The following RYR3 variants were observed in gnomAD, a reference collection of about 807,000 sequenced individuals.
RYR3 encodes brain ryanodine receptor-calcium release channel.
Under a neutral mutation model 584.3 loss-of-function variants are expected in RYR3, and 207 were observed. The ratio of observed to expected loss-of-function variants is 0.35; its 90% CI spans 0.32 to 0.40. The LOEUF (loss-of-function observed/expected upper bound fraction) is 0.40. Ranked by LOEUF, RYR3 falls within the 10% of genes least tolerant of loss-of-function variation. The probability of loss-of-function intolerance (pLI) is 1.00; values close to 1 mark genes in which losing one functional copy is unlikely to be tolerated. For missense variants in RYR3, 5,616 were observed against 6,089.2 expected, an observed-to-expected ratio of 0.92 and a Z score of 2.59; for synonymous variants, 2,416 against 2,248.5, an observed-to-expected ratio of 1.07 and a Z score of -2.11.
intron 1 of RYR3, among the ~76,000 whole-genome samples, chr15:33,323,084 CTA>C (rs1204060378): frequency 1.3e-5 from 2 of 151,624 alleles, no homozygotes; most frequent in East Asian, 3.9e-4. Flanking sequence ...CTCTTCCGTG[CTA>C]TAATATATGA....
rs751502794 is a variant in RYR3, at chr15:33,566,674, G to T, written c.1147-4G>T. ...AGAGCTCCCGTCCCTTGCCCTGTGG[G>T]TAGGTCATACTCCATCAGGAAGGCC... On this transcript the variant is annotated splice_region_variant and splice_polypyrimidine_tract_variant and intron_variant, in intron 11 of 103. Coordinates refer to ENST00000634891, the MANE Select transcript of RYR3 (RefSeq NM_001036.6). The T allele has an allele frequency of 2.5e-6, 4 of 1,613,506 alleles. No homozygotes were observed. The African/African-American group carries it at 5.3e-5, about 22-fold the overall frequency.
rs772238728 is a variant in RYR3 at position 33,635,782 on chromosome 15, G to A, written c.3344G>A (p.Gly1115Glu). The change falls in exon 26 of 104, where the codon GGG (glycine) becomes GAG (glutamate). Residue 1115 changes from glycine (G) to glutamate (E), a missense_variant. This residue lies in a region of RYR3 where 152 missense variants were observed against 200.9 expected (regional missense o/e 0.76). Transcript: ENST00000634891. ...GGCTGTCGACCTGATGTCGAGCTGG[G>A]GGCCGATGACCAAGCCTTTGTGTTT... Reference protein sequence around the residue: ...RPGCRPDVELGADDQAFVFEG... With the variant: ...RPGCRPDVELEADDQAFVFEG... 1 of 1,613,540 alleles carries A rather than the reference G, an allele frequency of 6.2e-7. No individual in the cohort carries two copies. Among genetic ancestry groups the A allele is most frequent in the Admixed American group, 1.7e-5 (1 of 60,002 alleles).
intron 20 of RYR3, among the ~76,000 whole-genome samples, chr15:33,625,716 G>A (rs987926043): frequency 5.3e-5 from 8 of 152,132 alleles, no homozygotes; most frequent in Non-Finnish European, 8.8e-5. Flanking sequence ...GGGAAAATAA[G>A]TGTCTTTGGT....
chr15:33,716,874 C>A (rs200902593), intron 43 of RYR3, among the ~76,000 whole-genome samples: 2 of 150,788 alleles, frequency 1.3e-5, no homozygotes, highest in African/African-American at 4.9e-5. Flanking sequence ...CTGAATGAAA[C>A]AAAAAAAAAA....
chr15:33,450,087 TAAAAAAAAAAA>T (rs10647466), intron 1 of RYR3, among the ~76,000 whole-genome samples: 1 of 67,340 alleles, frequency 1.5e-5, no homozygotes. Flanking sequence ...CATTAATACC[TAAAAAAAAAAA>T]AAAAAAAAAA....
intron 2 of RYR3, among the ~76,000 whole-genome samples, chr15:33,499,267 C>T (rs1352622937): frequency 6.6e-6 from 1 of 151,078 alleles, no homozygotes; most frequent in Non-Finnish European, 1.5e-5. Context: ...ATTTCCCTCC[C>T]TGTCTTCCAT....
chr15:33,446,350 A>G (rs2046661766), intron 1 of RYR3, among the ~76,000 whole-genome samples: 1 of 152,262 alleles, frequency 6.6e-6, no homozygotes, highest in Non-Finnish European at 1.5e-5. Context: ...AAAGTTGGGT[A>G]TGAAAATAAG....
chr15:33,610,512 G>A (rs948796705), intron 18 of RYR3, among the ~76,000 whole-genome samples: 1 of 152,136 alleles, frequency 6.6e-6, no homozygotes, highest in African/African-American at 2.4e-5. Flanking sequence ...TACTGCCTGT[G>A]GAAGAGTGGG....
intron 3 of RYR3, among the ~76,000 whole-genome samples, chr15:33,510,322 G>A (rs117874722): frequency 6.6e-6 from 1 of 152,140 alleles, no homozygotes; most frequent in Non-Finnish European, 1.5e-5. Context: ...CCTTTCTCAG[G>A]TCTGTAATGG....
intron 102 of RYR3, among the ~76,000 whole-genome samples, chr15:33,862,947 T>C (rs1888959240): frequency 6.6e-6 from 1 of 152,232 alleles, no homozygotes; most frequent in African/African-American, 2.4e-5. Context: ...AAGATAACTT[T>C]ACTGTGCCCT....
chr15:33,612,277 G>A (rs979352360), intron 18 of RYR3, among the ~76,000 whole-genome samples: 1 of 152,188 alleles, frequency 6.6e-6, no homozygotes, highest in Non-Finnish European at 1.5e-5. Flanking sequence ...TCAATTCAGA[G>A]TATAACTGGC....
At chr15:33,825,898 A>T in intron 82 of RYR3, 1 of 508,570 alleles carries the variant, frequency 2.0e-6, no homozygotes, top group Non-Finnish European at 3.5e-6. Flanking sequence ...ACAGCCAGCT[A>T]ATTTTTTGTA....
At chr15:33,506,225 G>C (rs1008023544) in intron 3 of RYR3, among the ~76,000 whole-genome samples, 1 of 152,154 alleles carries the variant, frequency 6.6e-6, no homozygotes, top group African/African-American at 2.4e-5. Context: ...CTTCATTTTA[G>C]AATATATGAA....
intron 1 of RYR3, among the ~76,000 whole-genome samples, chr15:33,460,937 C>T (rs1052075107): frequency 4.1e-5 from 3 of 73,846 alleles, no homozygotes. Context: ...ACATAATATC[C>T]ACCTTTTTTT....
chr15:33,468,823 A>G (rs1385819649), intron 1 of RYR3, among the ~76,000 whole-genome samples: 1 of 152,208 alleles, frequency 6.6e-6, no homozygotes, highest in Non-Finnish European at 1.5e-5. Flanking sequence ...AGGGGTACAA[A>G]GTCAGCTGGA....
chr15:33,768,729 G>T, intron 61 of RYR3, 22 bp downstream of exon 61: 2 of 1,610,950 alleles, frequency 1.2e-6, no homozygotes, highest in Non-Finnish European at 1.7e-6. Flanking sequence ...GTTGCTCAAG[G>T]TACCGCTCCT....
intron 86 of RYR3, among the ~76,000 whole-genome samples, chr15:33,834,372 G>A (rs1325156594): frequency 6.6e-6 from 1 of 150,882 alleles, no homozygotes; most frequent in Non-Finnish European, 1.5e-5. Context: ...TCTACATTTG[G>A]CTTTCAGAAA....
intron 1 of RYR3, among the ~76,000 whole-genome samples, chr15:33,345,103 C>A (rs1212190294): frequency 6.6e-6 from 1 of 151,508 alleles, no homozygotes; most frequent in South Asian, 2.1e-4. Flanking sequence ...TTTTCTTTTT[C>A]TTTTTTTTGC....
intron 10 of RYR3, among the ~76,000 whole-genome samples, chr15:33,558,365 C>A (rs535248542): frequency 2.8e-5 from 2 of 72,394 alleles, no homozygotes; most frequent in African/African-American, 3.2e-5. Flanking sequence ...TTTGTCCTTG[C>A]AATAGTTTGC....
Sources: gnomAD v4.1 joint callset for allele counts (sites outside exome capture counted in the v4.1 genomes callset) on GRCh38, gnomAD v4.1.1 for gene constraint, gnomAD v4.1.1 regional missense constraint, MANE v1.5 for transcripts, NCBI Gene and HGNC (gene_info 2026-07-23, HGNC 2026-07-21) for gene names.